The following SIN3A variants were observed in gnomAD, a reference collection of about 807,000 sequenced individuals.
SIN3A encodes SIN3 transcription regulator family member A, also known as paired amphipathic helix protein Sin3a.
Under a neutral mutation model 146.1 loss-of-function variants are expected in SIN3A, and 14 were observed. That is an observed-to-expected ratio of 0.10 (90% CI 0.06 to 0.15). The LOEUF is 0.15. Among genes scored for constraint, SIN3A ranks in the 10% least tolerant of loss-of-function variants. The probability of loss-of-function intolerance (pLI) is 1.00; values close to 1 mark genes in which losing one functional copy is unlikely to be tolerated. For synonymous variants in SIN3A, 572 were observed against 572.0 expected (o/e 1.00, Z 0.00); for missense variants, 1,028 against 1,576.0 (o/e 0.65, Z 5.89).
chr15:75,447,117 T>A (rs559021407), intron 1 of SIN3A, among the ~76,000 whole-genome samples: 2 of 152,168 alleles, frequency 1.3e-5, no homozygotes, highest in Admixed American at 1.3e-4. Flanking sequence ...CAGACTGAAA[T>A]GGAAAGCCAC....
intron 20 of SIN3A, among the ~76,000 whole-genome samples, chr15:75,373,634 GCA>G (rs1299328149): frequency 6.6e-6 from 1 of 151,816 alleles, no homozygotes; most frequent in East Asian, 1.9e-4. Flanking sequence ...TATAGGCTGG[GCA>G]CAGTGGCTCA....
At chr15:75,401,030 A>G in intron 10 of SIN3A, 90 bp from the exon 11 acceptor site, 1 of 853,130 alleles carries the variant, frequency 1.2e-6, no homozygotes, top group Admixed American at 2.1e-5. Flanking sequence ...TTTGGATCAG[A>G]AATCTGCTAC....
intron 8 of SIN3A, 85 bp from the exon 9 acceptor site, chr15:75,407,229 AC>A: frequency 2.0e-5 from 16 of 786,030 alleles, no homozygotes; most frequent in Non-Finnish European, 3.4e-5. Flanking sequence ...TGGTTTCATC[AC>A]TGAAACCACT....
At chr15:75,439,043 A>G (rs911624327) in intron 1 of SIN3A, among the ~76,000 whole-genome samples, 1 of 152,234 alleles carries the variant, frequency 6.6e-6, no homozygotes, top group Non-Finnish European at 1.5e-5. Flanking sequence ...AGACACCATT[A>G]GATCTAATAT....
rs916858726 is a variant in SIN3A, at chr15:75,412,994, G to A, written c.525C>T (p.His175=). Reference sequence around the variant, plus strand: ...TGTTGAATCCCATTATCAGATCGGGGTGGCCTTTGAATAGCTGGGACACAC... The same window carrying A: ...TGTTGAATCCCATTATCAGATCGGGATGGCCTTTGAATAGCTGGGACACAC... The part of the protein sequence containing the change: ...ISRVSQLFKG[H]PDLIMGFNTF... The change falls in exon 5 of 21, where the codon CAC becomes CAT. Residue 175 remains histidine, a synonymous_variant. Transcript: ENST00000394947. 1.9e-6 allele frequency: 3 copies of A among 1,613,938 alleles called. No homozygotes were observed. The African/African-American group carries it at 4.0e-5, about 22-fold the overall frequency.
At chr15:75,436,960 G>C (rs1595924975) in intron 1 of SIN3A, among the ~76,000 whole-genome samples, 2 of 152,310 alleles carry the variant, frequency 1.3e-5, no homozygotes, top group African/African-American at 4.8e-5. Flanking sequence ...AGTAAGTTTA[G>C]ACTTGCAGGC....
upstream of SIN3A, among the ~76,000 whole-genome samples, chr15:75,452,045 G>A (rs1394100018): frequency 2.0e-5 from 3 of 152,174 alleles, no homozygotes; most frequent in East Asian, 5.8e-4. Flanking sequence ...CTAACAAGTT[G>A]GCTCCCGCCT....
At chr15:75,416,695 C>A (rs771352070) in intron 3 of SIN3A, among the ~76,000 whole-genome samples, 1 of 152,200 alleles carries the variant, frequency 6.6e-6, no homozygotes, top group Non-Finnish European at 1.5e-5. Context: ...AAAACAAATT[C>A]ATTTTTACAT....
At chr15:75,451,709 A>G (rs1451570383), upstream of SIN3A, 1 of 140,234 alleles carries the variant, frequency 7.1e-6, no homozygotes, top group Non-Finnish European at 1.5e-5. Context: ...AATCCCGCCC[A>G]CTCCCCCGAC....
rs2073644324 is a variant in SIN3A, at chr15:75,411,742, G to C, written c.758C>G (p.Pro253Arg). Residue 253 changes from proline to arginine, a missense_variant and splice_region_variant, in exon 6 of 21, where the codon CCC becomes CGC. This residue lies in a region of SIN3A where 112 missense variants were observed against 135.7 expected (regional missense o/e 0.83). Coordinates refer to ENST00000394947, the MANE Select transcript of SIN3A (RefSeq NM_001145358.2). ...PQPPPAKVSKPSQLQAHTPAS... is the reference protein window; with the variant it reads ...PQPPPAKVSKRSQLQAHTPAS... ...CGGAGTATGTGCTTGCAGTTGGGAG[G>C]GCTAGAAAGAAAAGAAATCTTTATT... 6.3e-7 allele frequency: 1 copy of C among 1,579,830 alleles called. No individual in the cohort carries two copies. Among genetic ancestry groups the C allele is most frequent in the Non-Finnish European group, 8.6e-7 (1 of 1,163,038 alleles).
At chr15:75,404,528 AG>A (rs1394176397) in intron 9 of SIN3A, among the ~76,000 whole-genome samples, 1 of 152,236 alleles carries the variant, frequency 6.6e-6, no homozygotes, top group African/African-American at 2.4e-5. Flanking sequence ...TGGGAGGCCA[AG>A]GCAGGCGGAT....
chr15:75,430,487 A>C (rs2073996405), intron 1 of SIN3A, 79 bp from the exon 2 acceptor site: 2 of 1,122,538 alleles, frequency 1.8e-6, no homozygotes, highest in South Asian at 3.3e-5. Flanking sequence ...CAGTCACCCA[A>C]GTTTAGTAAA....
chr15:75,386,992 A>C (rs2073096430), intron 16 of SIN3A, among the ~76,000 whole-genome samples: 1 of 152,158 alleles, frequency 6.6e-6, no homozygotes, highest in African/African-American at 2.4e-5. Flanking sequence ...TTTTTAATAC[A>C]AATAGTGTTT....
At chr15:75,422,860 C>T (rs773931158) in intron 2 of SIN3A, 37 bp from the exon 3 acceptor site, 1 of 1,575,388 alleles carries the variant, frequency 6.3e-7, no homozygotes, top group South Asian at 1.1e-5. Flanking sequence ...AACTTCAAGG[C>T]TTGTACATTC....
chr15:75,389,916 T>C (rs1300561951), intron 15 of SIN3A, 95 bp from the exon 16 acceptor site: 5 of 1,209,992 alleles, frequency 4.1e-6, no homozygotes, highest in Non-Finnish European at 4.7e-6. Context: ...TAAATGGCAT[T>C]TGAAAGTATG....
chr15:75,438,710 G>A (rs1429639695), intron 1 of SIN3A, among the ~76,000 whole-genome samples: 1 of 151,778 alleles, frequency 6.6e-6, no homozygotes, highest in Admixed American at 6.6e-5. Context: ...AGTCTATCCT[G>A]GTCAGTTTGT....
intron 3 of SIN3A, among the ~76,000 whole-genome samples, chr15:75,416,869 C>G (rs1034524041): frequency 6.6e-6 from 1 of 152,188 alleles, no homozygotes; most frequent in Non-Finnish European, 1.5e-5. Flanking sequence ...TTTTTCTAGA[C>G]TGTGGATCTT....
chr15:75,410,511 C>G (rs1021937960), intron 6 of SIN3A, among the ~76,000 whole-genome samples: 1 of 151,762 alleles, frequency 6.6e-6, no homozygotes, highest in Non-Finnish European at 1.5e-5. Context: ...ATTTTTGAGA[C>G]GGAGTTTCAC....
At chr15:75,430,479 G>T in intron 1 of SIN3A, 71 bp from the exon 2 acceptor site, 2 of 1,186,412 alleles carry the variant, frequency 1.7e-6, no homozygotes, top group Non-Finnish European at 2.3e-6. Context: ...CTTAGGACCA[G>T]TCACCCAAGT....
Sources: gnomAD v4.1 joint callset for allele counts (sites outside exome capture counted in the v4.1 genomes callset) on GRCh38, gnomAD v4.1.1 for gene constraint, gnomAD v4.1.1 regional missense constraint, MANE v1.5 for transcripts, NCBI Gene and HGNC (gene_info 2026-07-23, HGNC 2026-07-21) for gene names.